The following AFDN variants were observed in gnomAD, a reference collection of about 807,000 sequenced individuals.
AFDN encodes the protein afadin.
Under a neutral mutation model 216.6 loss-of-function variants are expected in AFDN, and 68 were observed. The ratio of observed to expected loss-of-function variants is 0.31; its 90% CI spans 0.26 to 0.38. The LOEUF (loss-of-function observed/expected upper bound fraction) is 0.38. Ranked by LOEUF, AFDN falls within the 10% of genes least tolerant of loss-of-function variation. The probability of loss-of-function intolerance (pLI) is 1.00; values close to 1 mark genes in which losing one functional copy is unlikely to be tolerated. For missense variants in AFDN, 2,136 were observed against 2,342.0 expected (o/e 0.91, Z 1.82); for synonymous variants, 868 against 853.7 (o/e 1.02, Z -0.29).
Position 167,971,447 on chromosome 6 carries a change from CA to C in AFDN, c.*1513del, listed in dbSNP as rs1562365693. The C allele has an allele frequency of 1.0e-5, 2 of 196,448 alleles. No individual in the cohort carries two copies. The highest frequency in any genetic ancestry group is 3.8e-4 in the South Asian group (2 of 5,214). 12.2% of individuals were successfully genotyped at this position (196,448 alleles called of 1,614,324 possible). On this transcript the variant is annotated 3_prime_UTR_variant, in exon 34 of 34. Transcript: ENST00000683244. The stretch of plus-strand genomic sequence containing the variant: ...TGTAAATATTTTTTTTTACCTCTAT[CA>C]GGGTTTTTATTTGAAAGTGTGCTCT...
intron 26 of AFDN, among the ~76,000 whole-genome samples, chr6:167,946,009 A>T (rs1440557900): frequency 6.6e-6 from 1 of 152,220 alleles, no homozygotes; most frequent in East Asian, 1.9e-4. Flanking sequence ...AACAAATCAC[A>T]GCCACAGCCA....
intron 6 of AFDN, among the ~76,000 whole-genome samples, chr6:167,883,174 A>T (rs1786359882): frequency 6.6e-6 from 1 of 152,080 alleles, no homozygotes; most frequent in African/African-American, 2.4e-5. Context: ...TCCAAGGATG[A>T]TGGGGAAGGA....
At chr6:167,865,369 T>C (rs931065364) in intron 2 of AFDN, among the ~76,000 whole-genome samples, 5 of 152,120 alleles carry the variant, frequency 3.3e-5, no homozygotes, top group African/African-American at 9.7e-5. Context: ...CCATGGCTTA[T>C]GCCTGTAATC....
At chr6:167,966,160 C>T (rs1044769646) in intron 32 of AFDN, 115 bp downstream of exon 32, 6 of 1,534,766 alleles carry the variant, frequency 3.9e-6, no homozygotes, top group Non-Finnish European at 4.4e-6. Context: ...GTCTTTCTCT[C>T]CAACTCATTC....
chr6:167,953,162 A>T (rs1796176420), intron 30 of AFDN, among the ~76,000 whole-genome samples: 1 of 152,208 alleles, frequency 6.6e-6, no homozygotes, highest in Admixed American at 6.5e-5. Context: ...TTTTGAGAAA[A>T]GATGGCCAGA....
At chr6:167,865,392 G>T (rs909384470) in intron 2 of AFDN, among the ~76,000 whole-genome samples, 40 of 152,052 alleles carry the variant, frequency 2.6e-4, no homozygotes, top group African/African-American at 9.2e-4. Context: ...GACACTTTGG[G>T]AGGCTGAGGT....
intron 30 of AFDN, among the ~76,000 whole-genome samples, chr6:167,955,188 T>A (rs1327156898): frequency 6.6e-6 from 1 of 152,200 alleles, no homozygotes; most frequent in Non-Finnish European, 1.5e-5. Context: ...TGAAGACAAA[T>A]TCTAGTCAAC....
chr6:167,965,091 C>A (rs1239452058), intron 31 of AFDN: 20 of 1,022,816 alleles, frequency 2.0e-5, no homozygotes, highest in Non-Finnish European at 2.3e-5. Context: ...ATTTGAAATA[C>A]AAGTTAAGAA....
At chr6:167,891,131 C>G in intron 8 of AFDN, 102 bp downstream of exon 8, 4 of 956,528 alleles carry the variant, frequency 4.2e-6, no homozygotes, top group South Asian at 7.1e-5. Context: ...TGTTGGCTGA[C>G]TTAACATTTT....
intron 2 of AFDN, among the ~76,000 whole-genome samples, chr6:167,866,250 A>C (rs1383917094): frequency 1.3e-5 from 2 of 152,230 alleles, no homozygotes; most frequent in Non-Finnish European, 2.9e-5. Context: ...GGGTGAAAAC[A>C]AAAAGATGGT....
intron 1 of AFDN, among the ~76,000 whole-genome samples, chr6:167,829,936 A>G (rs1026907368): frequency 2.6e-5 from 4 of 152,208 alleles, no homozygotes; most frequent in South Asian, 4.1e-4. Context: ...CTTACAAAGA[A>G]TAAGCAGGCT....
At chr6:167,965,074 T>G (rs1797402198) in intron 31 of AFDN, 2 of 1,034,452 alleles carry the variant, frequency 1.9e-6, no homozygotes, top group Non-Finnish European at 2.3e-6. Context: ...TTAGGGAGTT[T>G]CTTAAGATTT....
At chr6:167,866,796 C>G (rs749450450) in intron 2 of AFDN, among the ~76,000 whole-genome samples, 3 of 152,160 alleles carry the variant, frequency 2.0e-5, no homozygotes, top group Admixed American at 1.3e-4. Context: ...AGCAGCCACC[C>G]GAACCAGTTC....
rs1389243089 is a variant in AFDN at position 167,944,107 on chromosome 6, T to C, written c.3358+48T>C. 7 of 1,440,430 alleles carry C rather than the reference T, an allele frequency of 4.9e-6. No homozygotes were observed. In the East Asian group the frequency reaches 9.1e-5, roughly 19 times the overall value. 89.2% of individuals were successfully genotyped at this position (1,440,430 alleles called of 1,614,324 possible). A position where few individuals can be genotyped will look rare whatever the true frequency, so the allele number is the denominator to read the frequency against. On this transcript the variant is annotated intron_variant, in intron 26 of 33. Transcript: ENST00000683244. The stretch of plus-strand genomic sequence containing the variant: ...CAGTGTTTTACAGTCATGGCCTCTT[T>C]GAATGGTCACAAAACCCCCATGGAG...
chr6:167,943,314 A>G, intron 24 of AFDN, 88 bp from the exon 25 acceptor site: 1 of 1,433,730 alleles, frequency 7.0e-7, no homozygotes, highest in South Asian at 1.2e-5. Flanking sequence ...AAGAACAAAT[A>G]GAGTATCTAC....
intron 23 of AFDN, among the ~76,000 whole-genome samples, chr6:167,938,163 A>G (rs759108971): frequency 2.0e-4 from 31 of 152,220 alleles, no homozygotes; most frequent in Admixed American, 5.9e-4. Context: ...CTGGCAGGTG[A>G]GCCTCGGAGG....
At chr6:167,882,015 C>G (rs1786176317) in intron 6 of AFDN, among the ~76,000 whole-genome samples, 2 of 152,004 alleles carry the variant, frequency 1.3e-5, no homozygotes. Flanking sequence ...GTTCAACAGA[C>G]ATTTGAAAAA....
Position 167,916,983 on chromosome 6 carries a change from A to G in AFDN, c.2566-106A>G, listed in dbSNP as rs140852694. ...GTTTCCTGAAATCATTCTGCATTTCAAAGTTAAATTAGCAAGTTATATTTT... is the reference window on the plus strand; with the variant it reads ...GTTTCCTGAAATCATTCTGCATTTCGAAGTTAAATTAGCAAGTTATATTTT... On this transcript the variant is annotated intron_variant, in intron 19 of 33. Coordinates refer to ENST00000683244, the MANE Select transcript of AFDN (RefSeq NM_001386888.1). The G allele has an allele frequency of 3.6e-3, 3,715 of 1,018,876 alleles. 19 individuals are homozygous for G. The highest frequency in any genetic ancestry group is 3.3e-3 in the Non-Finnish European group (2,341 of 714,290). The allele number at this position is 1,018,876 out of a possible 1,614,324, so 63.1% of individuals were successfully genotyped here. A position where few individuals can be genotyped will look rare whatever the true frequency, so the allele number is the denominator to read the frequency against.
intron 23 of AFDN, among the ~76,000 whole-genome samples, chr6:167,939,177 T>C (rs1037404200): frequency 4.6e-5 from 7 of 152,230 alleles, no homozygotes; most frequent in African/African-American, 1.4e-4. Context: ...ATTACTAATA[T>C]TATTGCTAAA....
Sources: allele counts gnomAD v4.1 joint callset (sites outside exome capture counted in the v4.1 genomes callset), GRCh38; gene constraint gnomAD v4.1.1; transcripts MANE v1.5; gene names NCBI Gene and HGNC (gene_info 2026-07-23, HGNC 2026-07-21).